Variants in SLC26A5 observed in about 807,000 individuals in gnomAD.
SLC26A5 encodes prestin.
A neutral mutation model predicts 81.0 loss-of-function variants in SLC26A5; 51 were observed. That is an observed-to-expected ratio of 0.63 (90% CI 0.50 to 0.80). The LOEUF (loss-of-function observed/expected upper bound fraction) is 0.80. Among genes scored for constraint, SLC26A5 ranks in the 30% least tolerant of loss-of-function variants. The pLI is 0.00. For synonymous variants in SLC26A5, 325 were observed against 332.8 expected (o/e 0.98, Z 0.25); for missense variants, 771 against 905.8 (o/e 0.85, Z 1.91).
intron 2 of SLC26A5, among the ~76,000 whole-genome samples, chr7:103,423,371 A>C (rs1825498991): frequency 6.6e-6 from 1 of 152,200 alleles, no homozygotes; most frequent in African/African-American, 2.4e-5. Flanking sequence ...AAAATTCAAG[A>C]GCCTATAATA....
chr7:103,423,860 A>C (rs1302300787), intron 2 of SLC26A5, among the ~76,000 whole-genome samples: 1 of 152,218 alleles, frequency 6.6e-6, no homozygotes, highest in Non-Finnish European at 1.5e-5. Context: ...TTTGCAGCAG[A>C]ACCTGAGAAA....
At chr7:103,439,558 G>C (rs1488967364) in intron 2 of SLC26A5, among the ~76,000 whole-genome samples, 1 of 120,938 alleles carries the variant, frequency 8.3e-6, no homozygotes, top group Admixed American at 7.4e-5. Context: ...TTTTGAGACA[G>C]AGTCTCACTC....
rs886061845 is a variant in SLC26A5 at position 103,374,307 on chromosome 7, T to C, written c.*92A>G. ...AGCCTGGACTACTAGTATTCACCCT[T>C]AGAAAAAAAAATCTAGCGTCTAGTA... On this transcript the variant is annotated 3_prime_UTR_variant, in exon 20 of 20. Coordinates refer to ENST00000306312, the MANE Select transcript of SLC26A5 (RefSeq NM_198999.3). The C allele has an allele frequency of 3.2e-6, 5 of 1,555,706 alleles. No individual in the cohort carries two copies. Among genetic ancestry groups the C allele is most frequent in the Non-Finnish European group, 4.3e-6 (5 of 1,151,430 alleles).
intron 14 of SLC26A5, among the ~76,000 whole-genome samples, chr7:103,382,034 A>T (rs1821841236): frequency 6.6e-6 from 1 of 151,988 alleles, no homozygotes; most frequent in Admixed American, 6.6e-5. Context: ...CACAAACACG[A>T]TCTGGTCAGG....
chr7:103,405,881 G>T (rs529298390), intron 8 of SLC26A5, among the ~76,000 whole-genome samples: 4 of 152,332 alleles, frequency 2.6e-5, no homozygotes, highest in Middle Eastern at 6.8e-3. Flanking sequence ...CCTGCCCAGA[G>T]AGGAGGAATC....
At chr7:103,431,927 CT>C (rs1562806480) in intron 2 of SLC26A5, among the ~76,000 whole-genome samples, 1 of 150,910 alleles carries the variant, frequency 6.6e-6, no homozygotes, top group South Asian at 2.1e-4. Flanking sequence ...GAAAAATTAA[CT>C]TTTTTGAGAC....
At chr7:103,362,726 C>T (rs1289874307) in intron 19 of SLC26A5, 1 of 1,606,452 alleles carries the variant, frequency 6.2e-7, no homozygotes, top group Non-Finnish European at 8.5e-7. Context: ...TCCATTGCCT[C>T]CTAAGATTGA....
rs964881806 is a variant in SLC26A5 at position 103,362,347 on chromosome 7, G to A, written c.2042-9421C>T. The A allele has an allele frequency of 6.6e-5, 90 of 1,356,164 alleles. No individual in the cohort carries two copies. The Admixed American group carries it at 7.3e-4, about 11-fold the overall frequency. 84.0% of individuals were successfully genotyped at this position (1,356,164 alleles called of 1,614,324 possible). On this transcript the variant is annotated intron_variant, in intron 19 of 19. Transcript: ENST00000339444. ...GAGTTGAGGTTACCAGTCCATTTAAGGTAACATGGTATAGGTTGGGGGAGT... is the reference window on the plus strand; with the variant it reads ...GAGTTGAGGTTACCAGTCCATTTAAAGTAACATGGTATAGGTTGGGGGAGT...
chr7:103,397,205 G>A (rs917578469), intron 9 of SLC26A5, among the ~76,000 whole-genome samples: 15 of 151,500 alleles, frequency 9.9e-5, no homozygotes, highest in African/African-American at 3.6e-4. Context: ...TCAGGAGTTT[G>A]AGACCAGCCT....
intron 2 of SLC26A5, among the ~76,000 whole-genome samples, chr7:103,425,617 T>C (rs918290741): frequency 4.6e-5 from 7 of 152,214 alleles, no homozygotes; most frequent in African/African-American, 1.7e-4. Flanking sequence ...GTAAACTTTA[T>C]ATTATACATC....
intron 2 of SLC26A5, among the ~76,000 whole-genome samples, chr7:103,436,311 T>C (rs1007524328): frequency 5.3e-5 from 8 of 152,128 alleles, no homozygotes; most frequent in African/African-American, 1.9e-4. Flanking sequence ...CTGAGAATCC[T>C]GAGATTTGAG....
intron 2 of SLC26A5, among the ~76,000 whole-genome samples, chr7:103,439,862 C>G: frequency 6.6e-6 from 1 of 152,274 alleles, no homozygotes; most frequent in East Asian, 1.9e-4. Flanking sequence ...ACATGCCAAG[C>G]ACTTGTCTGC....
intron 1 of SLC26A5, among the ~76,000 whole-genome samples, chr7:103,444,408 G>A (rs1827119246): frequency 6.6e-6 from 1 of 152,158 alleles, no homozygotes; most frequent in Admixed American, 6.5e-5. Flanking sequence ...GAAAAATTAA[G>A]ATACCAGGGG....
At chr7:103,426,005 C>T (rs1273058897) in intron 2 of SLC26A5, among the ~76,000 whole-genome samples, 1 of 152,108 alleles carries the variant, frequency 6.6e-6, no homozygotes, top group Non-Finnish European at 1.5e-5. Context: ...GTACCCAGCA[C>T]CCAAACAAAA....
intron 8 of SLC26A5, among the ~76,000 whole-genome samples, chr7:103,399,724 C>A (rs1396940776): frequency 6.6e-6 from 1 of 152,130 alleles, no homozygotes; most frequent in Non-Finnish European, 1.5e-5. Context: ...CTCCTCAGCC[C>A]CTGACCCATG....
intron 10 of SLC26A5, among the ~76,000 whole-genome samples, chr7:103,392,315 C>G (rs1264306892): frequency 1.3e-5 from 2 of 152,170 alleles, no homozygotes; most frequent in Non-Finnish European, 2.9e-5. Flanking sequence ...TTATCTGTGG[C>G]TGCGTTATAA....
chr7:103,386,837 A>G (rs888967623), intron 14 of SLC26A5, among the ~76,000 whole-genome samples: 13 of 151,558 alleles, frequency 8.6e-5, no homozygotes, highest in African/African-American at 3.1e-4. Flanking sequence ...ATCTCAGCTC[A>G]CTGCAACCTC....
At chr7:103,388,233 G>T (rs1415391152) in intron 14 of SLC26A5, among the ~76,000 whole-genome samples, 2 of 124,540 alleles carry the variant, frequency 1.6e-5, no homozygotes, top group East Asian at 4.7e-4. Flanking sequence ...GTCTTGCTCT[G>T]TTGCCCAGGC....
chr7:103,352,839 C>G (rs1159277169), exon 20 of SLC26A5: 1 of 780,646 alleles, frequency 1.3e-6, no homozygotes, highest in Non-Finnish European at 2.4e-6. Context: ...CATTCAAACC[C>G]TGTCCACCTG....
Sources: allele counts gnomAD v4.1 joint callset (sites outside exome capture counted in the v4.1 genomes callset), GRCh38; gene constraint gnomAD v4.1.1; transcripts MANE v1.5; gene names NCBI Gene and HGNC (gene_info 2026-07-23, HGNC 2026-07-21).